Variants in RAB38 observed in about 807,000 individuals in gnomAD.
The protein encoded by RAB38 is ras-related protein Rab-38.
RAB38 carries 15 observed loss-of-function variants against 18.4 expected under a neutral mutation model. That is an observed-to-expected ratio of 0.82 (90% CI 0.55 to 1.26). The LOEUF is 1.26. Ranked by LOEUF, RAB38 falls within the 50% of genes most tolerant of loss-of-function variation. The pLI is 0.00. For missense variants in RAB38, 294 were observed against 267.4 expected (o/e 1.10, Z -0.69); for synonymous variants, 101 against 104.4 (o/e 0.97, Z 0.20).
At chr11:88,022,617 A>AAAAAAC in the RAB38 span, among the ~76,000 whole-genome samples, 2 of 148,800 alleles carry the variant, frequency 1.3e-5, no homozygotes, top group Non-Finnish European at 3.0e-5. Context: ...CCCACAAAAA[A>AAAAAAC]AAAAAAAAAA....
the RAB38 span, among the ~76,000 whole-genome samples, chr11:87,949,406 C>T: frequency 2.0e-5 from 3 of 152,166 alleles, no homozygotes; most frequent in African/African-American, 2.4e-5. Flanking sequence ...CTGCTCTGAT[C>T]TTAGTTATTT....
chr11:87,878,326 A>G, the RAB38 span, among the ~76,000 whole-genome samples: 2 of 148,440 alleles, frequency 1.3e-5, no homozygotes, highest in East Asian at 2.0e-4. Flanking sequence ...TCATCTATCA[A>G]TCTATCATCT....
the RAB38 span, among the ~76,000 whole-genome samples, chr11:87,977,645 A>G: frequency 1.7e-5 from 2 of 118,674 alleles, no homozygotes; most frequent in African/African-American, 6.7e-5. Context: ...ATAATTATAT[A>G]AATTATACAG....
At chr11:87,941,212 G>GATATA in the RAB38 span, among the ~76,000 whole-genome samples, 1 of 37,780 alleles carries the variant, frequency 2.6e-5, no homozygotes, top group African/African-American at 1.3e-4. Context: ...ATAAATATAT[G>GATATA]AGATATATAT....
chr11:87,887,885 T>C, the RAB38 span, among the ~76,000 whole-genome samples: 1 of 151,888 alleles, frequency 6.6e-6, no homozygotes, highest in South Asian at 2.1e-4. Flanking sequence ...AAAAACCAGT[T>C]TGACTATTCT....
At chr11:88,092,032 G>A in the RAB38 span, among the ~76,000 whole-genome samples, 1 of 151,800 alleles carries the variant, frequency 6.6e-6, no homozygotes, top group African/African-American at 2.4e-5. Flanking sequence ...CCAAGTCATT[G>A]TCATGACATT....
the RAB38 span, among the ~76,000 whole-genome samples, chr11:87,955,943 C>G: frequency 6.6e-6 from 1 of 151,460 alleles, no homozygotes; most frequent in African/African-American, 2.4e-5. Flanking sequence ...TTTCTCTTAA[C>G]AAGACATGTC....
chr11:88,014,539 G>C, the RAB38 span, among the ~76,000 whole-genome samples: 1 of 152,110 alleles, frequency 6.6e-6, no homozygotes, highest in African/African-American at 2.4e-5. Context: ...TTAGAAGACA[G>C]ATCTATCCTC....
the RAB38 span, among the ~76,000 whole-genome samples, chr11:87,901,739 A>G: frequency 6.6e-6 from 1 of 151,552 alleles, no homozygotes; most frequent in Non-Finnish European, 1.5e-5. Context: ...TTACACTACA[A>G]ATCTTAAAAG....
chr11:88,129,588 G>A (rs776150191), intron 2 of RAB38, among the ~76,000 whole-genome samples: 1 of 152,104 alleles, frequency 6.6e-6, no homozygotes, highest in Non-Finnish European at 1.5e-5. Context: ...AGGTTGCAGT[G>A]AGCCGAGATC....
At chr11:88,059,799 T>TTTTTTTTTTTTTTTG in the RAB38 span, among the ~76,000 whole-genome samples, 1 of 152,098 alleles carries the variant, frequency 6.6e-6, no homozygotes, top group African/African-American at 2.4e-5. Flanking sequence ...TGGAGCCTTC[T>TTTTTTTTTTTTTTTG]AAGACCCTGG....
chr11:87,899,342 A>G, the RAB38 span, among the ~76,000 whole-genome samples: 1 of 151,658 alleles, frequency 6.6e-6, no homozygotes, highest in African/African-American at 2.4e-5. Context: ...GTCTGGTACT[A>G]GTCTAAAAAA....
At chr11:88,017,863 T>G in the RAB38 span, among the ~76,000 whole-genome samples, 1 of 151,848 alleles carries the variant, frequency 6.6e-6, no homozygotes, top group African/African-American at 2.4e-5. Context: ...TAATTCCCAC[T>G]TGTGGGAGGG....
At chr11:88,134,408 T>C (rs1942807135) in intron 2 of RAB38, among the ~76,000 whole-genome samples, 1 of 86,656 alleles carries the variant, frequency 1.2e-5, no homozygotes, top group African/African-American at 3.8e-5. Context: ...GCCTGGTTAA[T>C]TTTTTGTGTT....
At chr11:87,957,125 A>G in the RAB38 span, among the ~76,000 whole-genome samples, 3 of 152,012 alleles carry the variant, frequency 2.0e-5, no homozygotes, top group African/African-American at 4.8e-5. Context: ...GTGAGGAAAA[A>G]TATTTACTTT....
chr11:87,977,007 TAA>T, the RAB38 span, among the ~76,000 whole-genome samples: 154 of 15,798 alleles, frequency 9.7e-3, 64 homozygotes, highest in East Asian at 0.047. Context: ...AAGTATATTA[TAA>T]AATATAATTA....
chr11:87,924,787 C>T, the RAB38 span, among the ~76,000 whole-genome samples: 1 of 151,976 alleles, frequency 6.6e-6, no homozygotes, highest in African/African-American at 2.4e-5. Flanking sequence ...GTGGTGGAGG[C>T]AAGGCTCAAA....
At chr11:88,119,275 A>T (rs1361265998) in intron 2 of RAB38, among the ~76,000 whole-genome samples, 2 of 151,880 alleles carry the variant, frequency 1.3e-5, no homozygotes, top group Non-Finnish European at 2.9e-5. Context: ...CATACTCCTA[A>T]CCTCTGCCTC....
At chr11:88,153,126 G>A (rs34461095) in intron 1 of RAB38, among the ~76,000 whole-genome samples, 37,443 of 152,168 alleles carry the variant, frequency 0.25, 4,655 homozygotes, top group Admixed American at 0.27. Context: ...AAGTCAGAAG[G>A]CATGGTCTTA....
Sources: allele counts gnomAD v4.1 joint callset (sites outside exome capture counted in the v4.1 genomes callset), GRCh38; gene constraint gnomAD v4.1.1; transcripts MANE v1.5; gene names NCBI Gene and HGNC (gene_info 2026-07-23, HGNC 2026-07-21).